The following LINGO2 variants were observed in gnomAD, a reference collection of about 807,000 sequenced individuals.
LINGO2 encodes leucine-rich repeat and immunoglobulin-like domain-containing nogo receptor-interacting protein 2.
In LINGO2, 14 loss-of-function variants were observed where a neutral mutation model predicts 30.6. The observed-to-expected ratio is 0.46, with a 90% CI of 0.30 to 0.72. The LOEUF is 0.72. Ranked by LOEUF, LINGO2 falls within the 30% of genes least tolerant of loss-of-function variation. LINGO2 has a pLI of 0.07. For synonymous variants in LINGO2, 317 were observed against 288.5 expected (o/e 1.10, Z -1.00); for missense variants, 729 against 751.7 (o/e 0.97, Z 0.35).
At chr9:29,056,769 G>A in the LINGO2 span, among the ~76,000 whole-genome samples, 1 of 152,114 alleles carries the variant, frequency 6.6e-6, no homozygotes, top group Admixed American at 6.6e-5. Context: ...TTTCTGTAAG[G>A]TAAGAGATGT....
the LINGO2 span, among the ~76,000 whole-genome samples, chr9:28,847,511 C>T: frequency 6.8e-6 from 1 of 146,860 alleles, no homozygotes; most frequent in Non-Finnish European, 1.5e-5. Flanking sequence ...TTTCTTCCTT[C>T]ACATGCCTTT....
chr9:28,433,162 G>A (rs1823751704), intron 2 of LINGO2, among the ~76,000 whole-genome samples: 3 of 152,084 alleles, frequency 2.0e-5, no homozygotes, highest in Admixed American at 1.3e-4. Context: ...GGTTTCATGG[G>A]AAGGCATCAT....
At chr9:28,593,212 A>C (rs1264153846) in intron 1 of LINGO2, among the ~76,000 whole-genome samples, 1 of 152,118 alleles carries the variant, frequency 6.6e-6, no homozygotes, top group Non-Finnish European at 1.5e-5. Context: ...AAGAATGATA[A>C]TAAAGCTATC....
chr9:27,977,789 A>T (rs1820672022), intron 5 of LINGO2, among the ~76,000 whole-genome samples: 1 of 151,248 alleles, frequency 6.6e-6, no homozygotes, highest in Non-Finnish European at 1.5e-5. Flanking sequence ...CCCAGGGGAA[A>T]GAAAAAAAAA....
At chr9:28,367,429 G>C (rs1002129701) in intron 3 of LINGO2, among the ~76,000 whole-genome samples, 1 of 151,956 alleles carries the variant, frequency 6.6e-6, no homozygotes, top group African/African-American at 2.4e-5. Context: ...TCTCTAGAGG[G>C]GCTGCATAAG....
At chr9:29,026,197 T>G in the LINGO2 span, among the ~76,000 whole-genome samples, 1 of 152,158 alleles carries the variant, frequency 6.6e-6, no homozygotes, top group Admixed American at 6.6e-5. Context: ...CATGTCCAGC[T>G]AATCATTTTG....
At chr9:28,878,870 A>T in the LINGO2 span, among the ~76,000 whole-genome samples, 2 of 152,212 alleles carry the variant, frequency 1.3e-5, no homozygotes, top group Non-Finnish European at 2.9e-5. Flanking sequence ...TGACAAACCC[A>T]CAGCCAATAT....
At chr9:28,104,853 A>C (rs758446626) in intron 4 of LINGO2, among the ~76,000 whole-genome samples, 17 of 152,200 alleles carry the variant, frequency 1.1e-4, no homozygotes, top group Non-Finnish European at 2.1e-4. Context: ...TATAATGAGA[A>C]GATAAATACA....
chr9:28,202,701 C>T (rs529657980), intron 4 of LINGO2, among the ~76,000 whole-genome samples: 1 of 152,214 alleles, frequency 6.6e-6, no homozygotes, highest in African/African-American at 2.4e-5. Context: ...CACCTTGGAC[C>T]TTTGTGAGCC....
chr9:28,398,587 T>C (rs964693581), intron 2 of LINGO2, among the ~76,000 whole-genome samples: 6 of 152,010 alleles, frequency 3.9e-5, no homozygotes, highest in Non-Finnish European at 7.4e-5. Context: ...GGTTTTTGAA[T>C]ATGCAGTTGG....
At chr9:28,642,284 T>A (rs1180834005) in intron 1 of LINGO2, among the ~76,000 whole-genome samples, 1 of 152,164 alleles carries the variant, frequency 6.6e-6, no homozygotes. Flanking sequence ...GCTAAAACTT[T>A]TAAACTGTGA....
Position 28,179,934 on chromosome 9 carries a change from C to A in LINGO2, c.-87+115274G>T, listed in dbSNP as rs141026224. 6.2e-3 allele frequency among the ~76,000 whole-genome samples: 935 copies of A among 152,014 alleles called. 12 individuals carry two copies. The highest frequency in any genetic ancestry group is 0.021 in the African/African-American group (868 of 41,466). On this transcript the variant is annotated intron_variant, in intron 4 of 5. Coordinates refer to ENST00000379992, the Ensembl canonical transcript of LINGO2. Reference sequence around the variant, plus strand: ...ATAGTCAAATAATTCTTCAGATAAACCTCTGAAGTGAATTATCTGTTTTCC... The same window carrying A: ...ATAGTCAAATAATTCTTCAGATAAAACTCTGAAGTGAATTATCTGTTTTCC...
chr9:28,146,377 T>C (rs1185601323), intron 4 of LINGO2, among the ~76,000 whole-genome samples: 2 of 152,112 alleles, frequency 1.3e-5, no homozygotes, highest in Non-Finnish European at 2.9e-5. Context: ...AAGAAACTAA[T>C]AAAATAAATA....
At chr9:29,076,310 A>T in the LINGO2 span, among the ~76,000 whole-genome samples, 7 of 152,010 alleles carry the variant, frequency 4.6e-5, no homozygotes, top group Non-Finnish European at 7.4e-5. Context: ...TTTGCATGGG[A>T]CAGGGAGAGC....
intron 3 of LINGO2, among the ~76,000 whole-genome samples, chr9:28,331,760 C>T (rs960020456): frequency 6.6e-6 from 1 of 152,168 alleles, no homozygotes; most frequent in East Asian, 1.9e-4. Context: ...CCTGTCTTGG[C>T]CTCCCCAAAA....
intron 4 of LINGO2, among the ~76,000 whole-genome samples, chr9:28,102,941 C>A (rs1364578563): frequency 6.6e-6 from 1 of 152,100 alleles, no homozygotes; most frequent in African/African-American, 2.4e-5. Context: ...AGTGATTATT[C>A]TGAATATTTC....
intron 4 of LINGO2, among the ~76,000 whole-genome samples, chr9:28,068,547 A>T (rs1045649122): frequency 6.6e-6 from 1 of 152,200 alleles, no homozygotes; most frequent in Admixed American, 6.6e-5. Flanking sequence ...AGTCTACAAC[A>T]TATTCATTCA....
the LINGO2 span, among the ~76,000 whole-genome samples, chr9:28,988,082 T>C: frequency 6.6e-6 from 1 of 152,212 alleles, no homozygotes; most frequent in Admixed American, 6.5e-5. Context: ...CAGTGTTTCC[T>C]TATTAATTTT....
At chr9:28,382,195 C>A (rs1821382953) in intron 2 of LINGO2, among the ~76,000 whole-genome samples, 1 of 152,052 alleles carries the variant, frequency 6.6e-6, no homozygotes, top group African/African-American at 2.4e-5. Flanking sequence ...AATAAATATT[C>A]ATTCCATTTC....
Sources: gnomAD v4.1 joint callset for allele counts (sites outside exome capture counted in the v4.1 genomes callset) on GRCh38, gnomAD v4.1.1 for gene constraint, MANE v1.5 for transcripts, NCBI Gene and HGNC (gene_info 2026-07-23, HGNC 2026-07-21) for gene names.